Variants in NUP37 observed in about 807,000 individuals in gnomAD.
NUP37 encodes nucleoporin 37.
NUP37 carries 33 observed loss-of-function variants against 45.4 expected under a neutral mutation model. That is an observed-to-expected ratio of 0.73 (90% CI 0.55 to 0.97). The LOEUF (loss-of-function observed/expected upper bound fraction) is 0.97, where lower values mean the gene tolerates loss of function less well. Ranked by LOEUF, NUP37 falls within the 50% of genes least tolerant of loss-of-function variation. The probability of loss-of-function intolerance (pLI) is 0.00; values close to 1 mark genes in which losing one functional copy is unlikely to be tolerated. For missense variants in NUP37, 365 were observed against 389.7 expected, an observed-to-expected ratio of 0.94 and a Z score of 0.53; for synonymous variants, 127 against 130.7, an observed-to-expected ratio of 0.97 and a Z score of 0.19.
chr12:102,118,243 TATC>T, intron 2 of NUP37, 117 bp downstream of exon 2: 1 of 1,011,920 alleles, frequency 9.9e-7, no homozygotes, highest in Non-Finnish European at 1.4e-6. Flanking sequence ...CTATGGATCT[TATC>T]TTTTTTTTTT....
At chr12:102,087,147 T>C (rs1422066985) in intron 5 of NUP37, among the ~76,000 whole-genome samples, 1 of 152,178 alleles carries the variant, frequency 6.6e-6, no homozygotes, top group African/African-American at 2.4e-5. Flanking sequence ...ATTCATTCAT[T>C]GGAATTTTTC....
At chr12:102,099,613 T>C (rs1389936938) in intron 4 of NUP37, among the ~76,000 whole-genome samples, 1 of 152,214 alleles carries the variant, frequency 6.6e-6, no homozygotes, top group Non-Finnish European at 1.5e-5. Context: ...CTGTTCTGCA[T>C]ACTCACTACT....
At chr12:102,101,303 ATTATT>A (rs1391414780) in intron 3 of NUP37, among the ~76,000 whole-genome samples, 199 bp from the exon 4 acceptor site, 2 of 152,188 alleles carry the variant, frequency 1.3e-5, no homozygotes, top group Non-Finnish European at 2.9e-5. Context: ...TAGGAGTCAT[ATTATT>A]TTATTTTGAG....
rs1158584975 is a variant in NUP37, at chr12:102,118,502, G to C, written c.17C>G (p.Ser6Ter). 6.2e-7 allele frequency: 1 copy of C among 1,609,684 alleles called. No individual in the cohort carries two copies. Among genetic ancestry groups the C allele is most frequent in the Non-Finnish European group, 8.5e-7 (1 of 1,179,052 alleles). The change falls in exon 2 of 10, where the codon TCA becomes TGA. Residue 6 changes from serine to a stop codon, truncating the protein, a stop_gained. Transcript: ENST00000552283. LOFTEE classifies it high-confidence loss of function. Reference sequence around the variant, plus strand: ...ATCCACAGTGTAGGCAGCATTTCTTGAGGCATCTTGCTTCATCTTGTATGT... The same window carrying C: ...ATCCACAGTGTAGGCAGCATTTCTTCAGGCATCTTGCTTCATCTTGTATGT... The part of the protein sequence containing the change: MKQDA[S>*]RNAAYTVDCE...
At chr12:102,087,799 A>G (rs1879514691) in intron 5 of NUP37, among the ~76,000 whole-genome samples, 1 of 152,212 alleles carries the variant, frequency 6.6e-6, no homozygotes, top group Non-Finnish European at 1.5e-5. Context: ...GAGTAAATAC[A>G]TTCCAAAATA....
intron 5 of NUP37, among the ~76,000 whole-genome samples, chr12:102,089,037 G>T (rs907019188): frequency 6.6e-6 from 1 of 152,244 alleles, no homozygotes; most frequent in South Asian, 2.1e-4. Context: ...TAAGGTTATA[G>T]ATTAACAGCA....
rs560538683 is a variant in NUP37, at chr12:102,090,943, C to T, written c.450-5087G>A. ...TATCTAAGAAACTTTTGGTCTAGAC[C>T]ACGTCAGACAACAGGATTTCTACTA... On this transcript the variant is annotated intron_variant, in intron 5 of 9. Coordinates refer to ENST00000552283, the MANE Select transcript of NUP37 (RefSeq NM_024057.4). 3.3e-5 allele frequency among the ~76,000 whole-genome samples: 5 copies of T among 152,068 alleles called. No homozygotes were observed. The South Asian group carries it at 1.0e-3, about 32-fold the overall frequency.
At chr12:102,079,336 T>C (rs572260411) in intron 6 of NUP37, 22 of 427,534 alleles carry the variant, frequency 5.1e-5, no homozygotes, top group Middle Eastern at 3.9e-4. Context: ...TTTATTCTAT[T>C]ATTCATCTAA....
At chr12:102,109,910 CT>C (rs1880262414) in intron 3 of NUP37, among the ~76,000 whole-genome samples, 1 of 152,124 alleles carries the variant, frequency 6.6e-6, no homozygotes, top group Admixed American at 6.5e-5. Context: ...ATCAAAGAGA[CT>C]TGTTCTTGTT....
At chr12:102,115,460 G>C (rs553737677) in intron 2 of NUP37, among the ~76,000 whole-genome samples, 72 of 152,318 alleles carry the variant, frequency 4.7e-4, no homozygotes, top group African/African-American at 1.7e-3. Flanking sequence ...ATTTAGGCAA[G>C]CATATATGTT....
intron 6 of NUP37, among the ~76,000 whole-genome samples, chr12:102,078,173 A>G (rs1879231604): frequency 6.6e-6 from 1 of 151,736 alleles, no homozygotes; most frequent in Non-Finnish European, 1.5e-5. Context: ...ACTAAAAAAA[A>G]AAAAAAAATT....
Position 102,114,131 on chromosome 12 carries a change from A to G in NUP37, c.157-1899T>C, listed in dbSNP as rs76374411. 4.9e-4 allele frequency among the ~76,000 whole-genome samples: 75 copies of G among 152,348 alleles called. No homozygotes were observed. In the East Asian group the frequency reaches 0.013, roughly 26 times the overall value. On this transcript the variant is annotated intron_variant, in intron 2 of 9. Transcript: ENST00000552283. ...CAGATATGCCAAGACAGCAGCCACT[A>G]AACAATTTTAAAATAAGTTTAGGAG...
chr12:102,086,902 A>G (rs1227208208), intron 5 of NUP37, among the ~76,000 whole-genome samples: 1 of 152,206 alleles, frequency 6.6e-6, no homozygotes, highest in Non-Finnish European at 1.5e-5. Context: ...TGGCAAATAC[A>G]GTGAAACTTC....
At chr12:102,101,878 C>T (rs753545383) in intron 3 of NUP37, among the ~76,000 whole-genome samples, 25 of 152,072 alleles carry the variant, frequency 1.6e-4, no homozygotes, top group Non-Finnish European at 3.2e-4. Context: ...GCGCCCACCA[C>T]CACACGTGGC....
At chr12:102,075,166 TTTTC>T (rs1037453799) in intron 8 of NUP37, 72 bp from the exon 9 acceptor site, 10 of 800,294 alleles carry the variant, frequency 1.2e-5, no homozygotes, top group South Asian at 6.1e-5. Flanking sequence ...GAAGCGGGCT[TTTTC>T]TTTTTCTTTT....
At position 102,074,352 on chromosome 12, in the gene NUP37, C is replaced by A. The variant is rs150083754; in HGVS notation, c.*2G>T. ...TTGTGAATCTAAGGTACAGAAAACA[C>A]TTTATACTTCAGTCACCCAAAACAA... On this transcript the variant is annotated 3_prime_UTR_variant, in exon 10 of 10. Coordinates refer to ENST00000552283, the MANE Select transcript of NUP37 (RefSeq NM_024057.4). The A allele has an allele frequency of 3.4e-5, 54 of 1,581,714 alleles. No homozygotes were observed. In the African/African-American group the frequency reaches 5.8e-4, roughly 17 times the overall value.
chr12:102,074,926 G>C (rs1034761515), intron 9 of NUP37, 75 bp downstream of exon 9: 12 of 798,026 alleles, frequency 1.5e-5, no homozygotes, highest in Non-Finnish European at 2.3e-5. Flanking sequence ...CAAATTTGGG[G>C]CTATGAGTGG....
Position 102,077,492 on chromosome 12 carries a change from T to C in NUP37, c.552A>G (p.Ala184=). ...AAAACCGGATTGTTCCATTCTTCTC[T>C]GCAACCATTAGCTGTAAGACAGAAA... The part of the protein sequence containing the change: ...HPEETFKLMV[A]EKNGTIRFYD... The change falls in exon 7 of 10, where the codon GCA becomes GCG. Residue 184 remains alanine, a synonymous_variant. Coordinates refer to ENST00000552283, the MANE Select transcript of NUP37 (RefSeq NM_024057.4). 6.2e-7 allele frequency: 1 copy of C among 1,612,902 alleles called. No homozygotes were observed. Among genetic ancestry groups the C allele is most frequent in the South Asian group, 1.1e-5 (1 of 91,044 alleles).
At chr12:102,098,783 T>C (rs1030394662) in intron 5 of NUP37, among the ~76,000 whole-genome samples, 5 of 152,156 alleles carry the variant, frequency 3.3e-5, no homozygotes. Flanking sequence ...CTGCCCACCT[T>C]GGTCTCCCAA....
Sources: gnomAD v4.1 joint callset for allele counts (sites outside exome capture counted in the v4.1 genomes callset) on GRCh38, gnomAD v4.1.1 for gene constraint, MANE v1.5 for transcripts, NCBI Gene and HGNC (gene_info 2026-07-23, HGNC 2026-07-21) for gene names.